The following LRRC37A2 variants were observed in gnomAD, a reference collection of about 807,000 sequenced individuals.
LRRC37A2 encodes leucine-rich repeat-containing protein 37A2.
In LRRC37A2, 9 loss-of-function variants were observed where a neutral mutation model predicts 68.8. The ratio of observed to expected loss-of-function variants is 0.13; its 90% CI spans 0.08 to 0.23. LRRC37A2 has a LOEUF of 0.23. Ranked by LOEUF, LRRC37A2 falls within the 10% of genes least tolerant of loss-of-function variation. LRRC37A2 has a pLI of 1.00. For missense variants in LRRC37A2, 168 were observed against 950.4 expected, an observed-to-expected ratio of 0.18 and a Z score of 10.82; for synonymous variants, 63 against 367.6, an observed-to-expected ratio of 0.17 and a Z score of 9.48.
At chr17:46,755,535 T>G in the LRRC37A2 span, 1 of 708,796 alleles carries the variant, frequency 1.4e-6, no homozygotes, top group Non-Finnish European at 2.4e-6. Flanking sequence ...GTTGTACTGT[T>G]GGTTTGCTCT....
the LRRC37A2 span, among the ~76,000 whole-genome samples, chr17:46,752,721 G>A: frequency 6.6e-6 from 1 of 152,142 alleles, no homozygotes; most frequent in Non-Finnish European, 1.5e-5. Context: ...CTCCCAGAGT[G>A]CTGGGATTAC....
the LRRC37A2 span, among the ~76,000 whole-genome samples, chr17:46,792,748 A>T: frequency 6.6e-6 from 1 of 152,228 alleles, no homozygotes; most frequent in East Asian, 1.9e-4. Flanking sequence ...CTGGGACTAC[A>T]GGTGTGAGCC....
At chr17:46,558,607 T>C (rs1046240889), downstream of LRRC37A2, among the ~76,000 whole-genome samples, 1 of 124,708 alleles carries the variant, frequency 8.0e-6, no homozygotes, top group African/African-American at 3.2e-5. Flanking sequence ...GCCAGGCTAG[T>C]CTTGAACTCC....
At chr17:46,809,533 T>C in the LRRC37A2 span, among the ~76,000 whole-genome samples, 4 of 152,200 alleles carry the variant, frequency 2.6e-5, no homozygotes, top group Non-Finnish European at 4.4e-5. Flanking sequence ...AGGGAATGGC[T>C]TGTGCCTGTC....
chr17:47,019,549 A>G, the LRRC37A2 span: 120 of 1,494,224 alleles, frequency 8.0e-5, 1 homozygote, highest in South Asian at 4.2e-4. Context: ...CTGCATCGAA[A>G]ACTGACTGAA....
the LRRC37A2 span, among the ~76,000 whole-genome samples, chr17:46,991,443 A>G: frequency 2.0e-5 from 3 of 152,066 alleles, no homozygotes; most frequent in Admixed American, 1.3e-4. Context: ...CCTGGCCAAC[A>G]TGGTGAAACC....
the LRRC37A2 span, chr17:46,818,446 C>G: frequency 0.01 from 15,469 of 1,496,960 alleles, 1,018 homozygotes; most frequent in East Asian, 0.15. Context: ...GGCCCACCCC[C>G]AGCCGGCGCC....
the LRRC37A2 span, among the ~76,000 whole-genome samples, chr17:46,745,262 T>C: frequency 6.6e-6 from 1 of 152,212 alleles, no homozygotes; most frequent in Non-Finnish European, 1.5e-5. Flanking sequence ...TGATAAAGCT[T>C]CCTTATGAGC....
the LRRC37A2 span, among the ~76,000 whole-genome samples, chr17:46,809,587 T>C: frequency 0.27 from 40,525 of 152,214 alleles, 5,984 homozygotes; most frequent in South Asian, 0.39. Context: ...GATTCCCTGA[T>C]GACTACAGGC....
At chr17:46,558,565 T>A (rs1282187679), downstream of LRRC37A2, among the ~76,000 whole-genome samples, 6 of 131,572 alleles carry the variant, frequency 4.6e-5, no homozygotes, top group African/African-American at 1.8e-4. Flanking sequence ...TTTTTTTTTT[T>A]TTTTTTTTCT....
chr17:47,020,122 G>A, the LRRC37A2 span, among the ~76,000 whole-genome samples: 2 of 151,076 alleles, frequency 1.3e-5, no homozygotes, highest in African/African-American at 4.9e-5. Context: ...CCCGATCTCA[G>A]TGATGATGCT....
chr17:46,945,066 G>T, the LRRC37A2 span, among the ~76,000 whole-genome samples: 3 of 152,306 alleles, frequency 2.0e-5, no homozygotes, highest in Admixed American at 2.0e-4. Flanking sequence ...GGCCATTGTG[G>T]TGGGGGCATT....
At chr17:46,740,534 G>A in the LRRC37A2 span, among the ~76,000 whole-genome samples, 1 of 152,096 alleles carries the variant, frequency 6.6e-6, no homozygotes, top group Non-Finnish European at 1.5e-5. Context: ...ATATAAGAGT[G>A]GGGAGTTTGG....
the LRRC37A2 span, among the ~76,000 whole-genome samples, chr17:46,799,632 G>C: frequency 6.6e-6 from 1 of 151,882 alleles, no homozygotes; most frequent in African/African-American, 2.4e-5. Context: ...ATTTTTAGTA[G>C]AGACAGAGTT....
the LRRC37A2 span, among the ~76,000 whole-genome samples, chr17:46,454,145 G>C: frequency 9.7e-6 from 1 of 102,968 alleles, no homozygotes; most frequent in Non-Finnish European, 2.1e-5. Flanking sequence ...TTGTGTTTAT[G>C]TTGTTTTGTT....
chr17:47,029,233 G>A, the LRRC37A2 span, among the ~76,000 whole-genome samples: 94 of 151,844 alleles, frequency 6.2e-4, 1 homozygote, highest in African/African-American at 2.1e-3. Flanking sequence ...GGTTACAGGT[G>A]TGAGCCACCA....
chr17:47,007,241 G>C, the LRRC37A2 span, among the ~76,000 whole-genome samples: 1 of 152,064 alleles, frequency 6.6e-6, no homozygotes, highest in Non-Finnish European at 1.5e-5. Context: ...GCGGTGTTGT[G>C]ATCTTGGCTC....
At chr17:46,985,518 T>C in the LRRC37A2 span, among the ~76,000 whole-genome samples, 2 of 91,598 alleles carry the variant, frequency 2.2e-5, no homozygotes, top group African/African-American at 3.8e-5. Flanking sequence ...AGATTCCATC[T>C]CAAAAAAAAA....
At chr17:46,729,491 G>A in the LRRC37A2 span, among the ~76,000 whole-genome samples, 4 of 151,944 alleles carry the variant, frequency 2.6e-5, no homozygotes, top group African/African-American at 9.7e-5. Context: ...GGCTATTAGA[G>A]ACTTGTGATT....
Sources: gnomAD v4.1 joint callset for allele counts (sites outside exome capture counted in the v4.1 genomes callset) on GRCh38, gnomAD v4.1.1 for gene constraint, MANE v1.5 for transcripts, NCBI Gene and HGNC (gene_info 2026-07-23, HGNC 2026-07-21) for gene names.